ACYP2: variants seen among roughly 807,000 people sequenced by gnomAD.
ACYP2 encodes the protein acylphosphatase 2.
ACYP2 carries 12 observed loss-of-function variants against 11.2 expected under a neutral mutation model. That is an observed-to-expected ratio of 1.08 (90% CI 0.69 to 1.74). The LOEUF (loss-of-function observed/expected upper bound fraction) is 1.74. ACYP2 is among the 40% of genes most tolerant of loss of function. The pLI is 0.00. For missense variants in ACYP2, 134 were observed against 101.9 expected, an observed-to-expected ratio of 1.31 and a Z score of -1.35; for synonymous variants, 43 against 32.2, an observed-to-expected ratio of 1.33 and a Z score of -1.13.
intron 4 of ACYP2, among the ~76,000 whole-genome samples, chr2:54,107,522 G>A (rs1679228635): frequency 6.6e-6 from 1 of 152,102 alleles, no homozygotes; most frequent in Admixed American, 6.5e-5. Context: ...TGAAGATTTT[G>A]CCCCAGACAT....
chr2:54,192,291 G>A (rs184287936), intron 6 of ACYP2, among the ~76,000 whole-genome samples: 4 of 151,980 alleles, frequency 2.6e-5, no homozygotes, highest in Non-Finnish European at 5.9e-5. Flanking sequence ...TTAATTAAAT[G>A]CTCTAGATAG....
At chr2:54,165,714 A>G (rs1481259613) in intron 6 of ACYP2, among the ~76,000 whole-genome samples, 1 of 152,084 alleles carries the variant, frequency 6.6e-6, no homozygotes, top group Non-Finnish European at 1.5e-5. Context: ...TGGAGAGGAG[A>G]CTGGGTGCCA....
intron 4 of ACYP2, among the ~76,000 whole-genome samples, chr2:54,119,051 CTT>C (rs10542497): frequency 0.057 from 2,476 of 43,596 alleles, 30 homozygotes; most frequent in East Asian, 0.091. Flanking sequence ...TCTTAGTAGT[CTT>C]TTTTTTTTTT....
At chr2:54,287,353 A>G (rs1236123578) in intron 6 of ACYP2, among the ~76,000 whole-genome samples, 4 of 151,696 alleles carry the variant, frequency 2.6e-5, no homozygotes, top group Non-Finnish European at 5.9e-5. Flanking sequence ...TGACCTAATC[A>G]CCTCCTAAAT....
intron 6 of ACYP2, among the ~76,000 whole-genome samples, chr2:54,154,484 G>T (rs1291733904): frequency 1.3e-5 from 2 of 152,110 alleles, no homozygotes; most frequent in Admixed American, 1.3e-4. Flanking sequence ...ATTAGTGAAA[G>T]GATGTTGAAT....
intron 4 of ACYP2, among the ~76,000 whole-genome samples, chr2:54,119,661 A>C (rs1680030422): frequency 6.6e-6 from 1 of 152,234 alleles, no homozygotes; most frequent in Non-Finnish European, 1.5e-5. Flanking sequence ...GGCTTGCTTG[A>C]GTTTATTGCA....
rs531925695 is a variant in ACYP2 at position 54,019,643 on chromosome 2, G to A, written c.63-31315G>A. On this transcript the variant is annotated intron_variant, in intron 2 of 6. Coordinates refer to ENST00000607452, the MANE Select transcript of ACYP2 (RefSeq NM_001320586.2). Reference sequence around the variant, plus strand: ...ATTATTATTATTATTATTTTGAGACGGAGTCTCACTCCGTCACCCAGGCTA... The same window carrying A: ...ATTATTATTATTATTATTTTGAGACAGAGTCTCACTCCGTCACCCAGGCTA... Among the ~76,000 whole-genome samples, 12 of 142,232 alleles carry A rather than the reference G, an allele frequency of 8.4e-5. No individual in the cohort carries two copies. The East Asian group carries it at 1.1e-3, about 14-fold the overall frequency. 93.3% of individuals were successfully genotyped at this position (142,232 alleles called of 152,430 possible).
At chr2:54,161,933 AAGC>A (rs1682729985) in intron 6 of ACYP2, among the ~76,000 whole-genome samples, 1 of 152,114 alleles carries the variant, frequency 6.6e-6, no homozygotes, top group Non-Finnish European at 1.5e-5. Flanking sequence ...GTTTTAAAAG[AAGC>A]AGCTATTTTG....
chr2:54,024,755 A>C (rs769272219), intron 2 of ACYP2, among the ~76,000 whole-genome samples: 3 of 152,210 alleles, frequency 2.0e-5, no homozygotes, highest in Non-Finnish European at 4.4e-5. Context: ...ATACAAGAGA[A>C]AGAAATCAAG....
chr2:54,276,893 A>G (rs750583928), intron 6 of ACYP2, among the ~76,000 whole-genome samples: 2 of 152,204 alleles, frequency 1.3e-5, no homozygotes, highest in African/African-American at 2.4e-5. Flanking sequence ...GTCATCCGCT[A>G]CATCCTGTTT....
At chr2:54,074,735 A>G (rs1677238180) in intron 4 of ACYP2, among the ~76,000 whole-genome samples, 1 of 152,124 alleles carries the variant, frequency 6.6e-6, no homozygotes, top group Admixed American at 6.6e-5. Context: ...TGACAAGTCC[A>G]AAATCTGCAG....
chr2:54,058,709 A>T (rs1441268099), intron 4 of ACYP2, among the ~76,000 whole-genome samples: 31 of 135,272 alleles, frequency 2.3e-4, no homozygotes, highest in African/African-American at 2.7e-4. Context: ...CTGGCTGATA[A>T]TTTTTTTTTT....
intron 2 of ACYP2, among the ~76,000 whole-genome samples, chr2:53,979,631 TAA>T (rs202147020): frequency 1.4e-4 from 20 of 144,368 alleles, no homozygotes; most frequent in East Asian, 8.1e-4. Flanking sequence ...GTCTCAAAAA[TAA>T]AAAAAAAAAT....
chr2:54,295,544 G>T (rs1278711761), intron 6 of ACYP2, among the ~76,000 whole-genome samples: 2 of 152,144 alleles, frequency 1.3e-5, no homozygotes, highest in Non-Finnish European at 2.9e-5. Context: ...CCCACGCATG[G>T]AAGCTGTAGA....
At chr2:54,167,942 C>G (rs1024911851) in intron 6 of ACYP2, among the ~76,000 whole-genome samples, 3 of 152,102 alleles carry the variant, frequency 2.0e-5, no homozygotes, top group Non-Finnish European at 4.4e-5. Context: ...ATATGAAAGA[C>G]AGAAGTCTTC....
At chr2:54,089,843 T>G (rs1481891686) in intron 4 of ACYP2, among the ~76,000 whole-genome samples, 1 of 152,018 alleles carries the variant, frequency 6.6e-6, no homozygotes, top group Non-Finnish European at 1.5e-5. Flanking sequence ...AAGGACTTTT[T>G]AACTATTAAA....
intron 4 of ACYP2, chr2:54,115,666 C>T (rs752479110): frequency 1.2e-6 from 2 of 1,604,710 alleles, no homozygotes; most frequent in Non-Finnish European, 1.7e-6. Context: ...CCGAGCCCCT[C>T]TCCGGCTCCT....
At chr2:54,017,085 C>T (rs935826330) in intron 2 of ACYP2, among the ~76,000 whole-genome samples, 1 of 151,880 alleles carries the variant, frequency 6.6e-6, no homozygotes, top group Non-Finnish European at 1.5e-5. Context: ...TTGAAAAGGG[C>T]AAAAGGGAAC....
chr2:54,201,098 TTC>T (rs75792925), intron 6 of ACYP2, among the ~76,000 whole-genome samples: 413 of 137,348 alleles, frequency 3.0e-3, no homozygotes, highest in South Asian at 5.7e-3. Flanking sequence ...AAAATTTGGG[TTC>T]TCTCTCTCTT....
Sources: gnomAD v4.1 joint callset for allele counts (sites outside exome capture counted in the v4.1 genomes callset) on GRCh38, gnomAD v4.1.1 for gene constraint, MANE v1.5 for transcripts, NCBI Gene and HGNC (gene_info 2026-07-23, HGNC 2026-07-21) for gene names.